The following PLCL1 variants were observed in gnomAD, a reference collection of about 807,000 sequenced individuals.
PLCL1 encodes phospholipase C like 1 (inactive).
A neutral mutation model predicts 84.4 loss-of-function variants in PLCL1; 41 were observed. The observed-to-expected ratio is 0.49, with a 90% CI of 0.38 to 0.63. The LOEUF is 0.63. PLCL1 is among the 30% of genes least tolerant of loss of function. The pLI, the probability that PLCL1 is intolerant of heterozygous loss-of-function variation, is 0.00. For missense variants in PLCL1, 1,206 were observed against 1,367.8 expected (o/e 0.88, Z 1.87); for synonymous variants, 490 against 488.3 (o/e 1.00, Z -0.05).
chr2:197,832,918 T>C (rs1691099620), intron 1 of PLCL1, among the ~76,000 whole-genome samples: 1 of 152,220 alleles, frequency 6.6e-6, no homozygotes, highest in African/African-American at 2.4e-5. Context: ...ATTATCTCAA[T>C]AGATGCAGAA....
chr2:197,958,294 C>T (rs1689531539), intron 1 of PLCL1, among the ~76,000 whole-genome samples: 1 of 151,500 alleles, frequency 6.6e-6, no homozygotes, highest in African/African-American at 2.4e-5. Flanking sequence ...TTCCCTGGTC[C>T]ACATTAGAAG....
intron 1 of PLCL1, among the ~76,000 whole-genome samples, chr2:197,993,128 G>T (rs748783744): frequency 1.3e-5 from 2 of 152,076 alleles, no homozygotes; most frequent in African/African-American, 4.8e-5. Context: ...ATTCCCATGG[G>T]TTCCAATTTC....
intron 1 of PLCL1, among the ~76,000 whole-genome samples, chr2:197,837,497 A>G (rs1338028825): frequency 6.6e-6 from 1 of 152,178 alleles, no homozygotes; most frequent in Non-Finnish European, 1.5e-5. Context: ...GCGCCTCAAG[A>G]TCAGCTGACT....
chr2:197,830,522 T>G (rs534677978), intron 1 of PLCL1, among the ~76,000 whole-genome samples: 5 of 152,048 alleles, frequency 3.3e-5, no homozygotes, highest in African/African-American at 1.2e-4. Context: ...TGGGACTATG[T>G]GAAAAGGCCA....
chr2:198,047,908 G>A (rs148570663), intron 1 of PLCL1, among the ~76,000 whole-genome samples: 48 of 152,238 alleles, frequency 3.2e-4, no homozygotes, highest in African/African-American at 1.2e-3. Context: ...AAGTAGGTAC[G>A]CTCCTTGCAT....
intron 1 of PLCL1, among the ~76,000 whole-genome samples, chr2:197,850,161 A>G (rs1318062892): frequency 1.3e-4 from 20 of 152,110 alleles, no homozygotes. Flanking sequence ...AAGGTTTAGC[A>G]ATTTCCTCAT....
intron 1 of PLCL1, among the ~76,000 whole-genome samples, chr2:197,947,386 G>A (rs953255501): frequency 7.9e-5 from 12 of 151,962 alleles, no homozygotes; most frequent in African/African-American, 2.9e-4. Flanking sequence ...TTCAGTAGGG[G>A]CCTGGTGTGG....
chr2:197,816,661 T>C (rs1690696597), intron 1 of PLCL1, among the ~76,000 whole-genome samples: 1 of 152,094 alleles, frequency 6.6e-6, no homozygotes, highest in African/African-American at 2.4e-5. Context: ...TAGATTTGTC[T>C]CCCAGTGTCA....
Position 198,056,666 on chromosome 2 carries a change from G to C in PLCL1, c.241-27092G>C, listed in dbSNP as rs2105873583. ...GAGCCTAGCATATAGATTCATAGTA[G>C]CTGTTTTTTAACAAAATTATTTTTG... On this transcript the variant is annotated intron_variant, in intron 1 of 5. Coordinates refer to ENST00000428675, the MANE Select transcript of PLCL1 (RefSeq NM_006226.4). Among the ~76,000 whole-genome samples, 3 of 152,322 alleles carry C rather than the reference G, an allele frequency of 2.0e-5. 1 individual carries two copies. In the Middle Eastern group the frequency reaches 0.01, roughly 518 times the overall value.
At chr2:198,022,371 A>G (rs1357447134) in intron 1 of PLCL1, among the ~76,000 whole-genome samples, 1 of 152,226 alleles carries the variant, frequency 6.6e-6, no homozygotes. Context: ...CACCACTCCT[A>G]TTCAACATAG....
At chr2:197,939,489 T>C (rs574216739) in intron 1 of PLCL1, among the ~76,000 whole-genome samples, 1 of 152,290 alleles carries the variant, frequency 6.6e-6, no homozygotes, top group East Asian at 1.9e-4. Flanking sequence ...GATTTAGGTG[T>C]TGGCAGGTTT....
At chr2:198,003,534 C>A (rs1169885269) in intron 1 of PLCL1, among the ~76,000 whole-genome samples, 1 of 152,218 alleles carries the variant, frequency 6.6e-6, no homozygotes, top group Non-Finnish European at 1.5e-5. Flanking sequence ...AACTTGAACT[C>A]TTGCTTCTAG....
intron 1 of PLCL1, among the ~76,000 whole-genome samples, chr2:197,844,303 C>G (rs1467541311): frequency 2.0e-5 from 3 of 152,062 alleles, no homozygotes; most frequent in Non-Finnish European, 2.9e-5. Flanking sequence ...GGTGACCACT[C>G]TCCTAATTTC....
chr2:198,014,673 T>C (rs1020918728), intron 1 of PLCL1, among the ~76,000 whole-genome samples: 1 of 152,134 alleles, frequency 6.6e-6, no homozygotes, highest in African/African-American at 2.4e-5. Context: ...CTGTAATGAC[T>C]GCATAAACAA....
chr2:198,102,820 A>C (rs1051050791), intron 4 of PLCL1, among the ~76,000 whole-genome samples: 2 of 152,098 alleles, frequency 1.3e-5, no homozygotes, highest in Non-Finnish European at 2.9e-5. Context: ...AGTTCCAAGG[A>C]AGGAGATTTT....
At chr2:197,926,724 C>G (rs190597823) in intron 1 of PLCL1, among the ~76,000 whole-genome samples, 8 of 152,270 alleles carry the variant, frequency 5.3e-5, no homozygotes, top group African/African-American at 1.7e-4. Context: ...GAGTAGGAAG[C>G]CTTCTGGTTA....
intron 1 of PLCL1, among the ~76,000 whole-genome samples, chr2:197,817,802 A>G (rs997829410): frequency 1.5e-4 from 23 of 152,186 alleles, no homozygotes; most frequent in African/African-American, 5.5e-4. Flanking sequence ...GACCATGCTT[A>G]TAAATGGGCT....
chr2:197,904,691 T>G (rs1452277400), intron 1 of PLCL1, among the ~76,000 whole-genome samples: 1 of 152,122 alleles, frequency 6.6e-6, no homozygotes, highest in East Asian at 1.9e-4. Context: ...TTGTGGTAAA[T>G]CAGGGCTGTT....
At chr2:197,873,779 G>C (rs1403373992) in intron 1 of PLCL1, among the ~76,000 whole-genome samples, 1 of 152,088 alleles carries the variant, frequency 6.6e-6, no homozygotes, top group African/African-American at 2.4e-5. Flanking sequence ...TCCTGACATT[G>C]GTGTCTCAAT....
Sources: allele counts gnomAD v4.1 joint callset (sites outside exome capture counted in the v4.1 genomes callset), GRCh38; gene constraint gnomAD v4.1.1; transcripts MANE v1.5; gene names NCBI Gene and HGNC (gene_info 2026-07-23, HGNC 2026-07-21).